Variants in CLBA1 observed in about 807,000 individuals in gnomAD.
The protein encoded by CLBA1 is clathrin binding box of aftiphilin containing 1, also known as uncharacterized protein CLBA1.
In CLBA1, 30 loss-of-function variants were observed where a neutral mutation model predicts 28.8. The observed-to-expected ratio is 1.04, with a 90% CI of 0.78 to 1.41. CLBA1 has a LOEUF of 1.41. Among genes scored for constraint, CLBA1 ranks in the 40% most tolerant of loss-of-function variants. The pLI, the probability that CLBA1 is intolerant of heterozygous loss-of-function variation, is 0.00. For synonymous variants in CLBA1, 160 were observed against 152.8 expected, an observed-to-expected ratio of 1.05 and a Z score of -0.35; for missense variants, 451 against 412.3, an observed-to-expected ratio of 1.09 and a Z score of -0.81.
At position 104,986,298 on chromosome 14, in the gene CLBA1, G is replaced by T. The variant is rs146555211; in HGVS notation, c.-134G>T. Reference sequence around the variant, plus strand: ...TCCACCGTCAGCCACTGGGCAGCCCGGGGCACTCCTGCAGCGTCCCCTGGC... The same window carrying T: ...TCCACCGTCAGCCACTGGGCAGCCCTGGGCACTCCTGCAGCGTCCCCTGGC... On this transcript the variant is annotated 5_prime_UTR_variant, in exon 1 of 5. Transcript: ENST00000547315. The T allele has an allele frequency of 0.015, 13,465 of 914,766 alleles. 169 individuals are homozygous for T. Among genetic ancestry groups the T allele is most frequent in the Middle Eastern group, 0.021 (61 of 2,904 alleles). 56.7% of individuals were successfully genotyped at this position (914,766 alleles called of 1,614,324 possible).
In CLBA1 at chr14:104,992,996, G is replaced by C. The variant is rs747982650; in HGVS notation, c.748G>C (p.Glu250Gln). ...GHIMEDCDLK[E>Q]PEGLLTVSSF... ...CATCATGGAAGATTGTGACCTCAAAGAGCCTGAAGGACTCCTCACTGTCAG... is the reference window on the plus strand; with the variant it reads ...CATCATGGAAGATTGTGACCTCAAACAGCCTGAAGGACTCCTCACTGTCAG... The change falls in exon 4 of 5, where the codon GAG (glutamate) becomes CAG (glutamine). Residue 250 changes from glutamate (E) to glutamine (Q), a missense_variant. Coordinates refer to ENST00000547315, the MANE Select transcript of CLBA1 (RefSeq NM_174891.4). The C allele has an allele frequency of 1.2e-6, 2 of 1,614,186 alleles. No homozygotes were observed. The highest frequency in any genetic ancestry group is 4.5e-5 in the East Asian group (2 of 44,884).
At chr14:104,993,926 G>A in intron 4 of CLBA1, 1 of 985,454 alleles carries the variant, frequency 1.0e-6, no homozygotes, top group South Asian at 4.7e-5. Flanking sequence ...TGGGACAGCA[G>A]GAAGGTTGCA....
In CLBA1 at chr14:104,994,623, A is replaced by G. The variant is rs576272299; in HGVS notation, c.842A>G (p.Gln281Arg). The G allele has an allele frequency of 3.3e-5, 53 of 1,610,770 alleles. 1 individual carries two copies. Among genetic ancestry groups the G allele is most frequent in the South Asian group, 2.3e-4 (21 of 90,916 alleles). Residue 281 changes from glutamine to arginine, a missense_variant, in exon 5 of 5, where the codon CAG becomes CGG. Gln to Arg is a conservative substitution (Grantham distance 43). Coordinates refer to ENST00000547315, the MANE Select transcript of CLBA1 (RefSeq NM_174891.4). ...CTCTCGGGGCCGCCTGGCAGCAAAC[A>G]GGGGAGGCTGATGACATGCAGCCGC... ...TKLSGPPGSK[Q>R]GRLMTCSRFL...
chr14:104,998,902 A>G (rs1379110806), downstream of CLBA1, among the ~76,000 whole-genome samples: 1 of 152,252 alleles, frequency 6.6e-6, no homozygotes, highest in African/African-American at 2.4e-5. Context: ...CCTGTGCCAA[A>G]TAACACTGAT....
chr14:104,988,849 A>T, intron 1 of CLBA1, 94 bp from the exon 2 acceptor site: 2 of 1,299,370 alleles, frequency 1.5e-6, no homozygotes, highest in Non-Finnish European at 2.1e-6. Context: ...TCAATTACAA[A>T]TTTCATTTCT....
rs78547654 is a variant in CLBA1, at chr14:104,987,444, T to C, written c.423+590T>C. Among the ~76,000 whole-genome samples, 1,373 of 152,220 alleles carry C rather than the reference T, an allele frequency of 9.0e-3. 20 individuals are homozygous for C. Among genetic ancestry groups the C allele is most frequent in the African/African-American group, 0.032 (1,321 of 41,522 alleles). On this transcript the variant is annotated intron_variant, in intron 1 of 4. Transcript: ENST00000547315. ...TACCGTTTGGTGACACTTCCGCTCC[T>C]TCTCTTTTCCTGTCTTCTTCCTTCC...
intron 1 of CLBA1, 69 bp downstream of exon 1, chr14:104,986,923 G>C: frequency 1.3e-6 from 2 of 1,533,130 alleles, no homozygotes; most frequent in South Asian, 2.4e-5. Context: ...TACAGCCCTC[G>C]AATGCTGTGG....
chr14:104,995,070 G>A lies in CLBA1; in HGVS notation c.*311G>A. 1.9e-6 allele frequency: 2 copies of A among 1,043,930 alleles called. No individual in the cohort carries two copies. Among genetic ancestry groups the A allele is most frequent in the African/African-American group, 1.7e-5 (1 of 59,182 alleles). 64.7% of individuals were successfully genotyped at this position (1,043,930 alleles called of 1,614,324 possible). A position where few individuals can be genotyped will look rare whatever the true frequency, so the allele number is the denominator to read the frequency against. ...TGGCACCTGGTGGGGGGTTGCCCAG[G>A]GATGGACCCTGGGCATGGCTTCTGG... On this transcript the variant is annotated 3_prime_UTR_variant, in exon 5 of 5. Coordinates refer to ENST00000547315, the MANE Select transcript of CLBA1 (RefSeq NM_174891.4).
downstream of CLBA1, among the ~76,000 whole-genome samples, chr14:105,000,242 G>GA (rs563779063): frequency 3.3e-5 from 5 of 150,616 alleles, no homozygotes; most frequent in South Asian, 6.3e-4. Context: ...TAACCTGATT[G>GA]AAAAAATAGG....
chr14:104,989,021 A>G lies in CLBA1; in HGVS notation c.502A>G (p.Thr168Ala). 6.2e-7 allele frequency: 1 copy of G among 1,613,672 alleles called. No homozygotes were observed. The highest frequency in any genetic ancestry group is 8.5e-7 in the Non-Finnish European group (1 of 1,179,668). The change falls in exon 2 of 5, where the codon ACC becomes GCC. Residue 168 changes from threonine (T) to alanine (A), a missense_variant. Thr to Ala is a moderately conservative substitution (Grantham distance 58, BLOSUM62 0). Transcript: ENST00000547315. ...CCAGCAGGCAGCTGAAGACGTTTCCACCATAGACCATTTCCTAGAAATAAG... is the reference window on the plus strand; with the variant it reads ...CCAGCAGGCAGCTGAAGACGTTTCCGCCATAGACCATTTCCTAGAAATAAG... Reference protein sequence around the residue: ...TVQQAAEDVSTIDHFLEISSE... With the variant: ...TVQQAAEDVSAIDHFLEISSE...
chr14:104,985,970 C>T lies in CLBA1; in HGVS notation c.-462C>T, dbSNP rs994300117. 2.8e-5 allele frequency: 6 copies of T among 217,018 alleles called. No homozygotes were observed. The highest frequency in any genetic ancestry group is 1.2e-4 in the African/African-American group (5 of 42,064). 13.4% of individuals were successfully genotyped at this position (217,018 alleles called of 1,614,324 possible). ...GCCCAGGCGTTCCAGGGCTGCTCTGCGGGCCGCGTGCGAGAGGGACTCTCG... is the reference window on the plus strand; with the variant it reads ...GCCCAGGCGTTCCAGGGCTGCTCTGTGGGCCGCGTGCGAGAGGGACTCTCG... On this transcript the variant is annotated 5_prime_UTR_variant, in exon 1 of 5. Coordinates refer to ENST00000547315, the MANE Select transcript of CLBA1 (RefSeq NM_174891.4).
rs1229456257 is a variant in CLBA1, at chr14:104,991,517, C to T, written c.596C>T (p.Ala199Val). The T allele has an allele frequency of 2.4e-5, 38 of 1,613,860 alleles. No homozygotes were observed. Among genetic ancestry groups the T allele is most frequent in the Non-Finnish European group, 3.1e-5 (37 of 1,179,878 alleles). ...AACGAATCCAGAAAACTCTGGAGAGCCCTTCAGAGCATACACACCACGTCT... is the reference window on the plus strand; with the variant it reads ...AACGAATCCAGAAAACTCTGGAGAGTCCTTCAGAGCATACACACCACGTCT... ...LCNESRKLWR[A>V]LQSIHTTSTS... Residue 199 changes from alanine to valine, a missense_variant, in exon 3 of 5, where the codon GCC becomes GTC. Coordinates refer to ENST00000547315, the MANE Select transcript of CLBA1 (RefSeq NM_174891.4).
At chr14:104,996,870 C>T (rs1284394968), downstream of CLBA1, among the ~76,000 whole-genome samples, 2 of 152,244 alleles carry the variant, frequency 1.3e-5, no homozygotes, top group Admixed American at 6.5e-5. Flanking sequence ...GCTCAACTAC[C>T]GGGAAGGACA....
rs571618463 is a variant in CLBA1, at chr14:104,986,806, C to T, written c.375C>T (p.Cys125=). The change falls in exon 1 of 5, where the codon TGC becomes TGT. Residue 125 remains cysteine, a synonymous_variant. Transcript: ENST00000547315. ...APKECSSHQP[C]QGGPWVTGTS... ...AAGAGTGCAGTTCTCACCAACCATG[C>T]CAGGGTGGACCTTGGGTGACAGGAA... The T allele has an allele frequency of 3.1e-6, 5 of 1,613,608 alleles. No homozygotes were observed. The highest frequency in any genetic ancestry group is 4.2e-6 in the Non-Finnish European group (5 of 1,180,020).
chr14:104,993,021 G>C lies in CLBA1; in HGVS notation c.773G>C (p.Ser258Thr), dbSNP rs1453429647. 3.1e-6 allele frequency: 5 copies of C among 1,614,002 alleles called. No individual in the cohort carries two copies. The highest frequency in any genetic ancestry group is 4.2e-6 in the Non-Finnish European group (5 of 1,180,030). Residue 258 changes from serine to threonine, a missense_variant, in exon 4 of 5, where the codon AGC becomes ACC. By Grantham distance (58) the Ser-to-Thr change is moderately conservative. Transcript: ENST00000547315. ...GAGCCTGAAGGACTCCTCACTGTCA[G>C]CAGCTTCTGTCTCCAGCATTGCAAA... ...LKEPEGLLTVSSFCLQHCKAL... is the reference protein window; with the variant it reads ...LKEPEGLLTVTSFCLQHCKAL...
chr14:104,989,824 G>C (rs1899970773), intron 2 of CLBA1: 17 of 407,152 alleles, frequency 4.2e-5, no homozygotes, highest in South Asian at 2.9e-4. Flanking sequence ...GGAGAGCCAG[G>C]TCAGCCTGCT....
At chr14:104,992,329 C>T (rs760240109) in intron 3 of CLBA1, among the ~76,000 whole-genome samples, 4 of 152,260 alleles carry the variant, frequency 2.6e-5, no homozygotes, top group African/African-American at 4.8e-5. Context: ...TCGCAGAAAA[C>T]GCCAGTCATA....
downstream of CLBA1, among the ~76,000 whole-genome samples, chr14:105,000,183 T>C (rs1900239686): frequency 6.6e-6 from 1 of 151,962 alleles, no homozygotes; most frequent in African/African-American, 2.4e-5. Flanking sequence ...GGGGTTAATA[T>C]CCAAAATACA....
chr14:105,000,096 A>G (rs1175974505), downstream of CLBA1, among the ~76,000 whole-genome samples: 7 of 152,222 alleles, frequency 4.6e-5, no homozygotes, highest in African/African-American at 1.7e-4. Context: ...GAGGAAAAGC[A>G]GGCAGCCTCT....
Sources: gnomAD v4.1 joint callset for allele counts (sites outside exome capture counted in the v4.1 genomes callset) on GRCh38, gnomAD v4.1.1 for gene constraint, MANE v1.5 for transcripts, NCBI Gene and HGNC (gene_info 2026-07-23, HGNC 2026-07-21) for gene names.